The following RORB variants were observed in gnomAD, a reference collection of about 807,000 sequenced individuals.
RORB encodes the protein RAR related orphan receptor B, also known as nuclear receptor ROR-beta.
Under a neutral mutation model 59.1 loss-of-function variants are expected in RORB, and 6 were observed. That is an observed-to-expected ratio of 0.10 (90% CI 0.06 to 0.20). The LOEUF (loss-of-function observed/expected upper bound fraction) is 0.20. RORB is among the 10% of genes least tolerant of loss of function. RORB has a pLI of 1.00. For missense variants in RORB, 320 were observed against 560.5 expected (o/e 0.57, Z 4.33); for synonymous variants, 215 against 204.5 (o/e 1.05, Z -0.44).
At chr9:74,626,941 A>G (rs1235971415) in intron 1 of RORB, among the ~76,000 whole-genome samples, 1 of 152,214 alleles carries the variant, frequency 6.6e-6, no homozygotes, top group African/African-American at 2.4e-5. Flanking sequence ...AAGCAGGCTG[A>G]TCACAAAGTC....
At chr9:74,648,970 C>A (rs1587405111) in intron 4 of RORB, among the ~76,000 whole-genome samples, 1 of 141,334 alleles carries the variant, frequency 7.1e-6, no homozygotes, top group African/African-American at 2.6e-5. Flanking sequence ...AAGATAGGTT[C>A]TTTTTTTTTT....
chr9:74,522,953 G>A (rs968955714), intron 1 of RORB, among the ~76,000 whole-genome samples: 2 of 151,828 alleles, frequency 1.3e-5, no homozygotes, highest in African/African-American at 4.8e-5. Flanking sequence ...ACATCACACT[G>A]ATTTATAGGA....
rs1272103332 is a variant in RORB at position 74,691,749 on chromosome 9, T to C, written c.*6131T>C. ...GTACTTGCTTCCTTTCTGCGTGTTA[T>C]GTACTTCTCAGTTTTTTAATGGAAA... On this transcript the variant is annotated 3_prime_UTR_variant, in exon 10 of 10. Transcript: ENST00000376896. 1.3e-5 allele frequency: 2 copies of C among 152,200 alleles called. No individual in the cohort carries two copies. Among genetic ancestry groups the C allele is most frequent in the East Asian group, 1.9e-4 (1 of 5,190 alleles). The allele number at this position is 152,200 out of a possible 1,614,324, so 9.4% of individuals were successfully genotyped here.
chr9:74,569,476 T>G (rs1324109596), intron 1 of RORB, among the ~76,000 whole-genome samples: 1 of 152,058 alleles, frequency 6.6e-6, no homozygotes, highest in African/African-American at 2.4e-5. Context: ...AATTCAAGAG[T>G]GTTTATTACA....
chr9:74,637,627 A>T (rs1769442269), intron 3 of RORB, among the ~76,000 whole-genome samples: 1 of 151,962 alleles, frequency 6.6e-6, no homozygotes, highest in African/African-American at 2.4e-5. Flanking sequence ...AGGAATCTTC[A>T]GGATAACTGT....
chr9:74,528,528 C>T (rs1826189613), intron 1 of RORB, among the ~76,000 whole-genome samples: 1 of 151,900 alleles, frequency 6.6e-6, no homozygotes, highest in South Asian at 2.1e-4. Flanking sequence ...AAGCTGTGAA[C>T]AAATGAGAGA....
At chr9:74,684,645 A>G (rs1439464974) in intron 9 of RORB, among the ~76,000 whole-genome samples, 5 of 152,202 alleles carry the variant, frequency 3.3e-5, no homozygotes, top group Non-Finnish European at 5.9e-5. Flanking sequence ...TACATCTTAC[A>G]TGATACATAT....
At chr9:74,560,111 T>A (rs1036676258) in intron 1 of RORB, among the ~76,000 whole-genome samples, 3 of 152,184 alleles carry the variant, frequency 2.0e-5, no homozygotes, top group Admixed American at 6.5e-5. Context: ...GGTTTACCCA[T>A]TTCTATTCAC....
chr9:74,662,310 G>C (rs766696420), intron 5 of RORB, among the ~76,000 whole-genome samples, 164 bp from the exon 6 acceptor site: 12 of 151,872 alleles, frequency 7.9e-5, no homozygotes, highest in East Asian at 3.9e-4. Flanking sequence ...TATTAACTTA[G>C]GGAAAAAAAA....
At chr9:74,538,819 T>A (rs1357201342) in intron 1 of RORB, among the ~76,000 whole-genome samples, 78 of 151,996 alleles carry the variant, frequency 5.1e-4, no homozygotes, top group Non-Finnish European at 1.3e-4. Context: ...TAGAGTCAGA[T>A]AAAACTGGCA....
At chr9:74,635,950 T>C (rs62569150) in intron 3 of RORB, among the ~76,000 whole-genome samples, 1 of 112,108 alleles carries the variant, frequency 8.9e-6, no homozygotes, top group African/African-American at 3.3e-5. Flanking sequence ...ATAAAACAAA[T>C]TTGACCAAAA....
Position 74,497,891 on chromosome 9 carries a change from C to A in RORB, c.-86C>A. On this transcript the variant is annotated 5_prime_UTR_variant, in exon 1 of 10. Transcript: ENST00000376896. ...AGCTCTTCGCCGACCACCTTCTTCA[C>A]TCGTGCTGAGCGGGATTTTTGGGCT... The A allele has an allele frequency of 1.3e-6, 2 of 1,534,018 alleles. No individual in the cohort carries two copies. Among genetic ancestry groups the A allele is most frequent in the Non-Finnish European group, 1.8e-6 (2 of 1,120,424 alleles).
chr9:74,613,417 C>T (rs1454104465), intron 1 of RORB, among the ~76,000 whole-genome samples: 1 of 152,164 alleles, frequency 6.6e-6, no homozygotes, highest in African/African-American at 2.4e-5. Context: ...TCCCAGACCC[C>T]TCCTCAGATT....
intron 9 of RORB, among the ~76,000 whole-genome samples, chr9:74,674,398 G>A (rs1015288871): frequency 6.6e-6 from 1 of 152,154 alleles, no homozygotes; most frequent in East Asian, 1.9e-4. Context: ...AATTCCAGGG[G>A]CTCCGGTGAA....
At chr9:74,609,360 A>G (rs2118350839) in intron 1 of RORB, among the ~76,000 whole-genome samples, 1 of 152,166 alleles carries the variant, frequency 6.6e-6, no homozygotes, top group East Asian at 1.9e-4. Context: ...TCATCTACCA[A>G]CTGTTGACCC....
At chr9:74,529,637 T>A (rs775704412) in intron 1 of RORB, among the ~76,000 whole-genome samples, 1 of 151,854 alleles carries the variant, frequency 6.6e-6, no homozygotes. Context: ...AAAGAGCTAA[T>A]ATAAAGTACC....
At chr9:74,560,218 A>T (rs965895) in intron 1 of RORB, among the ~76,000 whole-genome samples, 62,780 of 151,996 alleles carry the variant, frequency 0.41, 13,977 homozygotes, top group East Asian at 0.77. Flanking sequence ...GGTGTTTACC[A>T]TACAGCTTAG....
chr9:74,502,247 A>G (rs1187042479), intron 1 of RORB, among the ~76,000 whole-genome samples: 2 of 152,148 alleles, frequency 1.3e-5, no homozygotes, highest in East Asian at 1.9e-4. Context: ...TTACTACACC[A>G]AATTACAAAG....
At chr9:74,572,701 A>G (rs2118231184) in intron 1 of RORB, among the ~76,000 whole-genome samples, 1 of 152,290 alleles carries the variant, frequency 6.6e-6, no homozygotes, top group African/African-American at 2.4e-5. Flanking sequence ...ACTTGGGGCC[A>G]GTCTTGGGAT....
Sources: gnomAD v4.1 joint callset for allele counts (sites outside exome capture counted in the v4.1 genomes callset) on GRCh38, gnomAD v4.1.1 for gene constraint, MANE v1.5 for transcripts, NCBI Gene and HGNC (gene_info 2026-07-23, HGNC 2026-07-21) for gene names.